The following INPP4B variants were observed in gnomAD, a reference collection of about 807,000 sequenced individuals.
INPP4B encodes inositol polyphosphate-4-phosphatase type II B.
Under a neutral mutation model 122.5 loss-of-function variants are expected in INPP4B, and 55 were observed. The observed-to-expected ratio is 0.45, with a 90% CI of 0.36 to 0.56. INPP4B has a LOEUF of 0.56. INPP4B is among the 20% of genes least tolerant of loss of function. The probability of loss-of-function intolerance (pLI) is 0.00; values close to 1 mark genes in which losing one functional copy is unlikely to be tolerated. For synonymous variants in INPP4B, 403 were observed against 388.7 expected, an observed-to-expected ratio of 1.04 and a Z score of -0.43; for missense variants, 1,000 against 1,097.7, an observed-to-expected ratio of 0.91 and a Z score of 1.26.
intron 1 of INPP4B, among the ~76,000 whole-genome samples, chr4:142,788,712 TATG>T (rs1776103285): frequency 6.6e-6 from 1 of 152,134 alleles, no homozygotes; most frequent in African/African-American, 2.4e-5. Context: ...AGTGAGAACA[TATG>T]ATGTTTGGTT....
intron 7 of INPP4B, among the ~76,000 whole-genome samples, chr4:142,364,267 A>T (rs1786605630): frequency 6.6e-6 from 1 of 152,046 alleles, no homozygotes; most frequent in Non-Finnish European, 1.5e-5. Flanking sequence ...GAGCTTTCTA[A>T]GACAGCTGAA....
chr4:142,199,813 C>T (rs1011733746), intron 14 of INPP4B, among the ~76,000 whole-genome samples: 1 of 152,036 alleles, frequency 6.6e-6, no homozygotes, highest in Admixed American at 6.6e-5. Flanking sequence ...CTCAGAGCAT[C>T]ATATCAGTGT....
At chr4:142,233,717 A>G (rs1855468263) in intron 12 of INPP4B, among the ~76,000 whole-genome samples, 1 of 152,172 alleles carries the variant, frequency 6.6e-6, no homozygotes. Flanking sequence ...ACCAAGAAGA[A>G]TGCTTCAGGT....
rs144568109 is a variant in INPP4B, at chr4:142,224,923, C to G, written c.836+12941G>C. ...ATGTTATATTTAAAGTTTATATGTC[C>G]CAAACTCGACTGTGTTTTTTATACT... On this transcript the variant is annotated intron_variant, in intron 12 of 25. Transcript: ENST00000262992. Among the ~76,000 whole-genome samples, 449 of 152,090 alleles carry G rather than the reference C, an allele frequency of 3.0e-3. 2 individuals carry two copies. Among genetic ancestry groups the G allele is most frequent in the African/African-American group, 0.01 (415 of 41,482 alleles).
intron 15 of INPP4B, among the ~76,000 whole-genome samples, chr4:142,188,849 G>A (rs890932896): frequency 3.3e-5 from 5 of 152,090 alleles, no homozygotes; most frequent in African/African-American, 1.2e-4. Flanking sequence ...ATTTGTTACT[G>A]GAGAAGGCAT....
intron 9 of INPP4B, among the ~76,000 whole-genome samples, chr4:142,300,624 T>A (rs7666578): frequency 0.044 from 6,711 of 152,226 alleles, 468 homozygotes; most frequent in African/African-American, 0.15. Flanking sequence ...GTCATCCACA[T>A]AATCTATAAT....
chr4:142,451,695 T>C (rs1254901785), intron 3 of INPP4B, among the ~76,000 whole-genome samples: 2 of 152,298 alleles, frequency 1.3e-5, no homozygotes, highest in East Asian at 3.9e-4. Flanking sequence ...CAAGAAACGA[T>C]TCCAAATCAC....
intron 9 of INPP4B, among the ~76,000 whole-genome samples, chr4:142,295,735 CCTTTT>C (rs558186958): frequency 8.0e-4 from 121 of 150,974 alleles, no homozygotes; most frequent in African/African-American, 2.8e-3. Context: ...ATTCACTTTC[CCTTTT>C]TTTTTTCTTT....
intron 25 of INPP4B, among the ~76,000 whole-genome samples, chr4:142,042,263 C>T (rs1046312389): frequency 6.6e-5 from 10 of 152,158 alleles, no homozygotes; most frequent in South Asian, 2.1e-4. Flanking sequence ...AAATACTTCC[C>T]GAAGAGCTTC....
At chr4:142,654,865 C>T (rs949856994) in intron 2 of INPP4B, among the ~76,000 whole-genome samples, 4 of 152,162 alleles carry the variant, frequency 2.6e-5, no homozygotes, top group African/African-American at 9.7e-5. Flanking sequence ...TGTTCCAAAG[C>T]ATGAAGTGAC....
intron 1 of INPP4B, among the ~76,000 whole-genome samples, chr4:142,812,361 T>G (rs1185087134): frequency 6.6e-6 from 1 of 152,232 alleles, no homozygotes; most frequent in Non-Finnish European, 1.5e-5. Context: ...ATTGCACTTT[T>G]TTCTGGCTCT....
chr4:142,206,168 G>A (rs564728458), intron 14 of INPP4B, among the ~76,000 whole-genome samples: 4 of 152,112 alleles, frequency 2.6e-5, no homozygotes, highest in East Asian at 1.9e-4. Flanking sequence ...GCTCCTGAAA[G>A]CTCTTTTTAT....
rs188357520 is a variant in INPP4B at position 142,209,848 on chromosome 4, G to A, written c.837-822C>T. ...GATAATAAATAAATGGTATTGTCAC[G>A]TATGGTTTTATTGGCTTCAGTTTCT... On this transcript the variant is annotated intron_variant, in intron 12 of 25. Coordinates refer to ENST00000262992, the MANE Select transcript of INPP4B (RefSeq NM_001101669.3). 3.7e-4 allele frequency among the ~76,000 whole-genome samples: 54 copies of A among 144,250 alleles called. No homozygotes were observed. The East Asian group carries it at 4.7e-3, about 13-fold the overall frequency. The allele number at this position is 144,250 out of a possible 152,430, so 94.6% of individuals were successfully genotyped here.
At chr4:142,684,289 G>T (rs1271035011) in intron 2 of INPP4B, among the ~76,000 whole-genome samples, 2 of 151,970 alleles carry the variant, frequency 1.3e-5, no homozygotes, top group Non-Finnish European at 2.9e-5. Context: ...CACAATATGG[G>T]CCTTACCGAA....
At chr4:142,737,687 G>A (rs1767176064) in intron 1 of INPP4B, among the ~76,000 whole-genome samples, 3 of 152,062 alleles carry the variant, frequency 2.0e-5, no homozygotes, top group Admixed American at 2.0e-4. Flanking sequence ...CCTACAGAAT[G>A]GGAGAAAATT....
chr4:142,726,343 A>C (rs1459391286), intron 1 of INPP4B, among the ~76,000 whole-genome samples: 2 of 152,212 alleles, frequency 1.3e-5, no homozygotes, highest in East Asian at 3.8e-4. Context: ...GGGTTTTAAA[A>C]TATTCATGAA....
At chr4:142,653,650 C>T (rs1337506781) in intron 2 of INPP4B, among the ~76,000 whole-genome samples, 1 of 152,124 alleles carries the variant, frequency 6.6e-6, no homozygotes, top group Non-Finnish European at 1.5e-5. Context: ...CAGAGAAATG[C>T]AAATCAAAAC....
rs1289272764 is a variant in INPP4B, at chr4:142,436,606, G to A, written c.-126-5221C>T. Among the ~76,000 whole-genome samples the A allele has an allele frequency of 3.3e-5, 5 of 152,166 alleles. No individual in the cohort carries two copies. In the East Asian group the frequency reaches 7.8e-4, roughly 24 times the overall value. On this transcript the variant is annotated intron_variant, in intron 3 of 25. Transcript: ENST00000262992. Reference sequence around the variant, plus strand: ...CCTCAAGTGACATCTCCAGTTGTGGGAGCAAACCAGATGAATAGGGCCTGA... The same window carrying A: ...CCTCAAGTGACATCTCCAGTTGTGGAAGCAAACCAGATGAATAGGGCCTGA...
At chr4:142,161,997 CTCT>C (rs1190928079) in intron 16 of INPP4B, among the ~76,000 whole-genome samples, 1 of 151,796 alleles carries the variant, frequency 6.6e-6, no homozygotes, top group Non-Finnish European at 1.5e-5. Context: ...GTCCTTCTTC[CTCT>C]TCTTCCCTAA....
Sources: gnomAD v4.1 joint callset for allele counts (sites outside exome capture counted in the v4.1 genomes callset) on GRCh38, gnomAD v4.1.1 for gene constraint, MANE v1.5 for transcripts, NCBI Gene and HGNC (gene_info 2026-07-23, HGNC 2026-07-21) for gene names.